The following FGGY variants were observed in gnomAD, a reference collection of about 807,000 sequenced individuals.
The protein encoded by FGGY is FGGY carbohydrate kinase domain containing.
FGGY carries 72 observed loss-of-function variants against 71.3 expected under a neutral mutation model. That is an observed-to-expected ratio of 1.01 (90% CI 0.84 to 1.23). FGGY has a LOEUF of 1.23. FGGY is among the 50% of genes most tolerant of loss of function. The pLI is 0.00. For missense variants in FGGY, 668 were observed against 682.3 expected (o/e 0.98, Z 0.23); for synonymous variants, 251 against 250.3 (o/e 1.00, Z -0.02).
intron 10 of FGGY, among the ~76,000 whole-genome samples, chr1:59,636,217 C>A (rs372546327): frequency 5.3e-5 from 8 of 152,312 alleles, no homozygotes; most frequent in African/African-American, 1.9e-4. Context: ...CACTCACACA[C>A]ACACACATAT....
chr1:59,663,133 G>A (rs7540838), intron 12 of FGGY, among the ~76,000 whole-genome samples: 127,440 of 152,174 alleles, frequency 0.84, 53,537 homozygotes, highest in Middle Eastern at 0.92. Context: ...CACCAAAGAC[G>A]GTGCCTTGCC....
intron 6 of FGGY, among the ~76,000 whole-genome samples, chr1:59,472,692 C>T (rs10889138): frequency 1.4e-4 from 21 of 151,390 alleles, no homozygotes; most frequent in African/African-American, 4.9e-4. Context: ...TGCACCAGTC[C>T]ACACTCTGTA....
In FGGY at chr1:59,757,784, A is replaced by G. The variant is rs1333755137; in HGVS notation, c.1513-147A>G. On this transcript the variant is annotated intron_variant, in intron 14 of 15. Coordinates refer to ENST00000303721, the MANE Select transcript of FGGY (RefSeq NM_018291.5). ...CCTATTTTTGTGTTTTATTCTTATT[A>G]CCAAAGAAAAGTAAGTTGAAAAAAA... The G allele has an allele frequency of 1.2e-5, 7 of 591,972 alleles. No individual in the cohort carries two copies. In the East Asian group the frequency reaches 2.0e-4, roughly 17 times the overall value. 36.7% of individuals were successfully genotyped at this position (591,972 alleles called of 1,614,324 possible).
In FGGY at chr1:59,620,134, A is replaced by T. The variant is rs551694816; in HGVS notation, c.1012-5854A>T. On this transcript the variant is annotated intron_variant, in intron 9 of 15. Transcript: ENST00000303721. ...CTACGTTTTCTGATGGTAGTAACTG[A>T]TCCCCAAAGTTGACCCTCCATTATC... Among the ~76,000 whole-genome samples, 4 of 152,098 alleles carry T rather than the reference A, an allele frequency of 2.6e-5. No homozygotes were observed. The South Asian group carries it at 8.3e-4, about 32-fold the overall frequency.
intron 11 of FGGY, among the ~76,000 whole-genome samples, chr1:59,649,117 T>G (rs2097130259): frequency 6.6e-6 from 1 of 152,056 alleles, no homozygotes; most frequent in Non-Finnish European, 1.5e-5. Context: ...ATATCTCTCT[T>G]TTGGTACCAG....
chr1:59,597,860 G>C (rs544773174), intron 8 of FGGY, among the ~76,000 whole-genome samples: 1 of 152,170 alleles, frequency 6.6e-6, no homozygotes, highest in African/African-American at 2.4e-5. Context: ...TGGTTTTGCC[G>C]TATTAGAGAA....
chr1:59,501,798 G>A (rs1040887599), intron 6 of FGGY, among the ~76,000 whole-genome samples: 1 of 152,138 alleles, frequency 6.6e-6, no homozygotes, highest in Non-Finnish European at 1.5e-5. Flanking sequence ...AGCTTTCACA[G>A]GTTCTGCAGT....
intron 6 of FGGY, among the ~76,000 whole-genome samples, chr1:59,497,974 G>C (rs1411459799): frequency 6.6e-6 from 1 of 152,178 alleles, no homozygotes; most frequent in Non-Finnish European, 1.5e-5. Context: ...TTCCCTGAAA[G>C]AGCATATTCT....
Position 59,597,751 on chromosome 1 carries a change from G to A in FGGY, c.904-10052G>A, listed in dbSNP as rs530637205. On this transcript the variant is annotated intron_variant, in intron 8 of 15. Coordinates refer to ENST00000303721, the MANE Select transcript of FGGY (RefSeq NM_018291.5). The stretch of plus-strand genomic sequence containing the variant: ...CCAAGGTCACACAGCAGAGACTCTC[G>A]GCTGGAGACTGCCCTCAGGCATCCT... Among the ~76,000 whole-genome samples the A allele has an allele frequency of 8.5e-5, 13 of 152,308 alleles. No homozygotes were observed. The South Asian group carries it at 1.2e-3, about 15-fold the overall frequency.
At chr1:59,472,091 C>T (rs910632207) in intron 6 of FGGY, among the ~76,000 whole-genome samples, 56 of 152,304 alleles carry the variant, frequency 3.7e-4, no homozygotes, top group Non-Finnish European at 5.4e-4. Flanking sequence ...TGGCCAAGGC[C>T]GGAGCCGGCC....
chr1:59,512,672 A>G (rs930518934), intron 7 of FGGY, among the ~76,000 whole-genome samples: 1 of 152,106 alleles, frequency 6.6e-6, no homozygotes, highest in African/African-American at 2.4e-5. Context: ...GCAATAGAAA[A>G]AAATGTATTT....
intron 14 of FGGY, among the ~76,000 whole-genome samples, chr1:59,711,944 T>C (rs2097797257): frequency 6.6e-6 from 1 of 151,722 alleles, no homozygotes; most frequent in African/African-American, 2.4e-5. Flanking sequence ...TTCCCAACAA[T>C]CCCCCAAAGT....
intron 5 of FGGY, among the ~76,000 whole-genome samples, chr1:59,414,271 C>T (rs1477089036): frequency 6.6e-6 from 1 of 152,144 alleles, no homozygotes; most frequent in South Asian, 2.1e-4. Context: ...TTTGTGGTGA[C>T]CTGGCATACT....
chr1:59,405,367 C>T (rs538483771), intron 5 of FGGY, among the ~76,000 whole-genome samples: 6 of 152,296 alleles, frequency 3.9e-5, no homozygotes, highest in Admixed American at 3.9e-4. Context: ...TTTTTCAATT[C>T]TGCAACTTAT....
intron 4 of FGGY, among the ~76,000 whole-genome samples, chr1:59,349,911 C>T (rs188668408): frequency 0.024 from 3,704 of 152,200 alleles, 168 homozygotes; most frequent in African/African-American, 0.085. Flanking sequence ...GTATTTCTAA[C>T]TCAAGTTCAC....
Position 59,457,074 on chromosome 1 carries a change from T to C in FGGY, c.668T>C (p.Ile223Thr). Reference protein sequence around the residue: ...EDFVADNYSKIGNQVLPPGAS... With the variant: ...EDFVADNYSKTGNQVLPPGAS... ...TTTGTTGCAGATAATTACAGCAAAA[T>C]AGGTAAAAGAATAAAACATCTGTAG... The change falls in exon 6 of 16, where the codon ATA becomes ACA. Residue 223 changes from isoleucine to threonine, a missense_variant and splice_region_variant. Physicochemically the swap from Ile to Thr is moderately conservative, Grantham distance 89. Around this residue, in one of 2 missense-constraint regions of FGGY, gnomAD observed 661 missense variants for 661.6 expected, o/e 1.00. Transcript: ENST00000303721. 6.2e-7 allele frequency: 1 copy of C among 1,602,408 alleles called. No homozygotes were observed. Among genetic ancestry groups the C allele is most frequent in the Non-Finnish European group, 8.6e-7 (1 of 1,169,462 alleles).
chr1:59,609,861 T>C (rs1456553451), intron 9 of FGGY, among the ~76,000 whole-genome samples: 1 of 152,214 alleles, frequency 6.6e-6, no homozygotes, highest in Non-Finnish European at 1.5e-5. Context: ...CAGAAATGAA[T>C]TAAATGAATT....
chr1:59,532,462 T>C (rs570594129), intron 7 of FGGY, among the ~76,000 whole-genome samples: 2 of 152,234 alleles, frequency 1.3e-5, no homozygotes, highest in Non-Finnish European at 2.9e-5. Context: ...TGAAGAGATA[T>C]TGGCCAAAAG....
At chr1:59,558,988 A>G (rs2095740805) in intron 8 of FGGY, among the ~76,000 whole-genome samples, 2 of 152,214 alleles carry the variant, frequency 1.3e-5, no homozygotes, top group Non-Finnish European at 2.9e-5. Flanking sequence ...ACAGGCAGTC[A>G]GACCTTATGG....
Sources: gnomAD v4.1 joint callset for allele counts (sites outside exome capture counted in the v4.1 genomes callset) on GRCh38, gnomAD v4.1.1 for gene constraint, gnomAD v4.1.1 regional missense constraint, MANE v1.5 for transcripts, NCBI Gene and HGNC (gene_info 2026-07-23, HGNC 2026-07-21) for gene names.